ATP2C2: variants seen among roughly 807,000 people sequenced by gnomAD.
ATP2C2 encodes calcium-transporting ATPase type 2C member 2.
In ATP2C2, 171 loss-of-function variants were observed where a neutral mutation model predicts 110.8. The observed-to-expected ratio is 1.54, with a 90% CI of 1.36 to 1.75. The LOEUF (loss-of-function observed/expected upper bound fraction) is 1.75, where lower values mean the gene tolerates loss of function less well. Among genes scored for constraint, ATP2C2 ranks in the 40% most tolerant of loss-of-function variants. ATP2C2 has a pLI of 0.00. For synonymous variants in ATP2C2, 804 were observed against 508.4 expected (o/e 1.58, Z -7.82); for missense variants, 1,963 against 1,235.0 (o/e 1.59, Z -8.84).
chr16:84,371,386 T>A (rs1199783835), intron 1 of ATP2C2, among the ~76,000 whole-genome samples: 1 of 152,116 alleles, frequency 6.6e-6, no homozygotes, highest in Admixed American at 6.5e-5. Flanking sequence ...GCACCTGTGG[T>A]CCTAGCTACT....
At chr16:84,397,480 G>T (rs890760325) in intron 1 of ATP2C2, among the ~76,000 whole-genome samples, 4 of 151,096 alleles carry the variant, frequency 2.6e-5, no homozygotes, top group Non-Finnish European at 5.9e-5. Context: ...AGTTCGCTCA[G>T]CCTGGGCAAC....
Position 84,459,343 on chromosome 16 carries a change from A to G in ATP2C2, c.2290A>G (p.Ile764Val). ...NLPSPLNAMQ[I>V]LWINIIMDGP... The stretch of plus-strand genomic sequence containing the variant: ...GCCCAGCCCCCTCAACGCCATGCAG[A>G]TCCTATGGATCAACATCATCATGGA... The change falls in exon 23 of 27, where the codon ATC (isoleucine) becomes GTC (valine). Residue 764 changes from isoleucine to valine, a missense_variant. By Grantham distance (29) the Ile-to-Val change is conservative. Transcript: ENST00000262429. The G allele has an allele frequency of 6.2e-7, 1 of 1,614,186 alleles. No individual in the cohort carries two copies. The highest frequency in any genetic ancestry group is 8.5e-7 in the Non-Finnish European group (1 of 1,180,028).
chr16:84,397,281 C>T (rs1414213209), intron 1 of ATP2C2, among the ~76,000 whole-genome samples: 1 of 151,680 alleles, frequency 6.6e-6, no homozygotes, highest in African/African-American at 2.4e-5. Context: ...TGTTTCCCCT[C>T]CCCTTTTCTT....
chr16:84,431,660 G>A (rs547364812), intron 11 of ATP2C2, among the ~76,000 whole-genome samples: 1 of 151,912 alleles, frequency 6.6e-6, no homozygotes, highest in Non-Finnish European at 1.5e-5. Context: ...GGGTCACTTG[G>A]GGGGGACCAC....
At chr16:84,442,691 G>C (rs2288580) in intron 15 of ATP2C2, 92 bp downstream of exon 15, 291,861 of 1,256,070 alleles carry the variant, frequency 0.23, 40,530 homozygotes, top group East Asian at 0.57. Flanking sequence ...GCTAACAGGA[G>C]TGGGGACGTT....
Position 84,398,561 on chromosome 16 carries a change from C to G in ATP2C2, c.162C>G (p.Pro54=). Residue 54 remains proline (P), a synonymous_variant, in exon 2 of 27, where the codon CCC becomes CCG. Coordinates refer to ENST00000262429, the MANE Select transcript of ATP2C2 (RefSeq NM_014861.4). ...AGAAGAAGGTGACAGCCCTGCCCCCCAAGGAAGCGTGCAAATGCCAGAAAG... is the reference window on the plus strand; with the variant it reads ...AGAAGAAGGTGACAGCCCTGCCCCCGAAGGAAGCGTGCAAATGCCAGAAAG... ...EKEKKVTALP[P]KEACKCQKED... The G allele has an allele frequency of 6.2e-7, 1 of 1,612,948 alleles. No homozygotes were observed. The highest frequency in any genetic ancestry group is 8.5e-7 in the Non-Finnish European group (1 of 1,179,560).
At chr16:84,406,842 C>T (rs982413984) in intron 3 of ATP2C2, among the ~76,000 whole-genome samples, 3 of 152,180 alleles carry the variant, frequency 2.0e-5, no homozygotes, top group Non-Finnish European at 4.4e-5. Context: ...CGCTCCCCCA[C>T]TTCCCCTGGT....
rs746277334 is a variant in ATP2C2 at position 84,463,727 on chromosome 16, G to A, written c.2836G>A (p.Val946Met). ...GAGAGTCCAGATGCACCCTGAAGAT[G>A]TGTAGTGGACCGCACTCCGCGGCAC... is the stretch of plus-strand genomic sequence containing the variant. ...PKRVQMHPED[V>M] Residue 946 changes from valine to methionine, a missense_variant, in exon 27 of 27, where the codon GTG becomes ATG. Coordinates refer to ENST00000262429, the MANE Select transcript of ATP2C2 (RefSeq NM_014861.4). 10 of 1,611,508 alleles carry A rather than the reference G, an allele frequency of 6.2e-6. No individual in the cohort carries two copies. The highest frequency in any genetic ancestry group is 7.6e-6 in the Non-Finnish European group (9 of 1,178,108).
intron 2 of ATP2C2, among the ~76,000 whole-genome samples, chr16:84,399,185 A>C (rs568049259): frequency 6.6e-6 from 1 of 152,254 alleles, no homozygotes; most frequent in African/African-American, 2.4e-5. Context: ...CAGAACCACT[A>C]CATTTTGGGA....
chr16:84,368,542 G>T lies in ATP2C2; in HGVS notation c.-74G>T, dbSNP rs1373725928. 3 of 1,215,508 alleles carry T rather than the reference G, an allele frequency of 2.5e-6. No homozygotes were observed. Among genetic ancestry groups the T allele is most frequent in the Non-Finnish European group, 3.5e-6 (3 of 863,512 alleles). 75.3% of individuals were successfully genotyped at this position (1,215,508 alleles called of 1,614,324 possible). ...CCTGGTAACCGGGTCCGGCCCAGGA[G>T]GCTTGGGCGCGCGCAGCCATCCCGG... is the stretch of plus-strand genomic sequence containing the variant. On this transcript the variant is annotated 5_prime_UTR_variant, in exon 1 of 27. The change creates a new upstream start codon in the 5' untranslated region. Transcript: ENST00000262429.
At chr16:84,413,719 G>A (rs759193811) in intron 6 of ATP2C2, among the ~76,000 whole-genome samples, 1 of 152,092 alleles carries the variant, frequency 6.6e-6, no homozygotes, top group Admixed American at 6.5e-5. Context: ...TTGAAAGAGC[G>A]CTGAAGAGGT....
At chr16:84,450,428 G>A (rs1271922744) in intron 17 of ATP2C2, among the ~76,000 whole-genome samples, 3 of 152,140 alleles carry the variant, frequency 2.0e-5, no homozygotes, top group East Asian at 3.9e-4. Flanking sequence ...GCATCCAGGG[G>A]AAGATGAAAA....
At position 84,415,470 on chromosome 16, in the gene ATP2C2, A is replaced by G. The variant is rs202097549; in HGVS notation, c.516-13A>G. 4 of 1,611,504 alleles carry G rather than the reference A, an allele frequency of 2.5e-6. No homozygotes were observed. In the East Asian group the frequency reaches 6.7e-5, roughly 27 times the overall value. On this transcript the variant is annotated splice_polypyrimidine_tract_variant and intron_variant, in intron 6 of 26. Coordinates refer to ENST00000262429, the MANE Select transcript of ATP2C2 (RefSeq NM_014861.4). ...AGCATGGATGCTTTTGCTTTTTACC[A>G]TGTCAAATGCAGCCTAAGAGAAGGA...
intron 7 of ATP2C2, among the ~76,000 whole-genome samples, chr16:84,416,489 G>C (rs1567708587): frequency 6.6e-6 from 1 of 152,204 alleles, no homozygotes; most frequent in Non-Finnish European, 1.5e-5. Context: ...GGCAGCATCA[G>C]GGAAGCGGAT....
rs759939075 is a variant in ATP2C2, at chr16:84,440,925, A to AT, written c.1282dup (p.Ser428PhefsTer45). On this transcript the variant is annotated frameshift_variant, in exon 14 of 27. Transcript: ENST00000262429. LOFTEE classifies it high-confidence loss of function. ...TACCATCCAAGGAAGTCATTAAGGAATTTTCCAATGTCTCAGTGGGAAAGT... is the reference window on the plus strand; with the variant it reads ...TACCATCCAAGGAAGTCATTAAGGAATTTTTCCAATGTCTCAGTGGGAAAGT... The AT allele has an allele frequency of 1.9e-6, 3 of 1,613,072 alleles. No homozygotes were observed. The African/African-American group carries it at 4.0e-5, about 22-fold the overall frequency.
At chr16:84,380,736 T>A (rs1428118105) in intron 1 of ATP2C2, among the ~76,000 whole-genome samples, 3 of 152,210 alleles carry the variant, frequency 2.0e-5, no homozygotes. Flanking sequence ...CTCTGTTTGT[T>A]CTTCTGTACA....
chr16:84,426,023 CT>C, intron 11 of ATP2C2: 1 of 566,218 alleles, frequency 1.8e-6, no homozygotes, highest in South Asian at 2.1e-5. Context: ...CAGGGTGTCC[CT>C]TTTGTATTAG....
chr16:84,387,715 C>T (rs1029588572), intron 1 of ATP2C2, among the ~76,000 whole-genome samples: 4 of 152,162 alleles, frequency 2.6e-5, no homozygotes, highest in Non-Finnish European at 5.9e-5. Flanking sequence ...AAGAATAAGA[C>T]TTTGCTGGGT....
Position 84,448,705 on chromosome 16 carries a change from C to G in ATP2C2, c.1660+16C>G. The G allele has an allele frequency of 6.2e-7, 1 of 1,604,548 alleles. No homozygotes were observed. Among genetic ancestry groups the G allele is most frequent in the Non-Finnish European group, 8.5e-7 (1 of 1,174,432 alleles). On this transcript the variant is annotated intron_variant, in intron 17 of 26. Transcript: ENST00000262429. ...GGTTTGCGGGGTCAGTGCCTGTGGT[C>G]CCGGCCCAGAGCTTTAAGCTTGCAT...
Sources: allele counts gnomAD v4.1 joint callset (sites outside exome capture counted in the v4.1 genomes callset), GRCh38; gene constraint gnomAD v4.1.1; transcripts MANE v1.5; gene names NCBI Gene and HGNC (gene_info 2026-07-23, HGNC 2026-07-21).